The following ASTN2 variants were observed in gnomAD, a reference collection of about 807,000 sequenced individuals.
The protein encoded by ASTN2 is astrotactin 2.
In ASTN2, 54 loss-of-function variants were observed where a neutral mutation model predicts 139.8. The ratio of observed to expected loss-of-function variants is 0.39; its 90% confidence interval spans 0.31 to 0.48. ASTN2 has a LOEUF of 0.48. Among genes scored for constraint, ASTN2 ranks in the 20% least tolerant of loss-of-function variants. The probability of loss-of-function intolerance (pLI) is 0.95; values close to 1 mark genes in which losing one functional copy is unlikely to be tolerated. For synonymous variants in ASTN2, 756 were observed against 719.5 expected (o/e 1.05, Z -0.81); for missense variants, 1,565 against 1,725.1 (o/e 0.91, Z 1.64).
intron 3 of ASTN2, among the ~76,000 whole-genome samples, chr9:117,181,452 T>C (rs544510313): frequency 1.3e-5 from 2 of 152,348 alleles, no homozygotes; most frequent in East Asian, 3.9e-4. Flanking sequence ...TTAATCCCTC[T>C]ATAACCTAGC....
At chr9:116,803,513 TATATATATA>T (rs1312217967) in intron 13 of ASTN2, among the ~76,000 whole-genome samples, 6 of 8,500 alleles carry the variant, frequency 7.1e-4, no homozygotes, top group South Asian at 4.3e-3. Flanking sequence ...TATATATATA[TATATATATA>T]TTTTTTTTTT....
At chr9:116,466,277 G>A (rs1387249851) in intron 20 of ASTN2, among the ~76,000 whole-genome samples, 1 of 152,114 alleles carries the variant, frequency 6.6e-6, no homozygotes, top group African/African-American at 2.4e-5. Flanking sequence ...AAATCTCTGT[G>A]AGGTTTGCAT....
chr9:117,402,431 C>T (rs1040798997), intron 1 of ASTN2, among the ~76,000 whole-genome samples: 3 of 152,102 alleles, frequency 2.0e-5, no homozygotes, highest in East Asian at 1.9e-4. Flanking sequence ...GCAAGGAAAA[C>T]GATGAAGAAT....
chr9:117,337,780 T>G (rs1436058606), intron 1 of ASTN2, among the ~76,000 whole-genome samples: 1 of 151,942 alleles, frequency 6.6e-6, no homozygotes, highest in Admixed American at 6.6e-5. Context: ...GCACAATGAG[T>G]GAGCTCATAG....
intron 15 of ASTN2, 105 bp from the exon 16 acceptor site, chr9:116,726,055 C>A: frequency 9.1e-7 from 1 of 1,104,172 alleles, no homozygotes; most frequent in East Asian, 2.4e-5. Context: ...TGTGCCTTAC[C>A]CCTCAGCACA....
At chr9:117,037,370 C>A (rs1382879612) in intron 6 of ASTN2, among the ~76,000 whole-genome samples, 2 of 152,052 alleles carry the variant, frequency 1.3e-5, no homozygotes, top group Admixed American at 1.3e-4. Flanking sequence ...CATTTCTCAG[C>A]CACATGCTGT....
intron 10 of ASTN2, among the ~76,000 whole-genome samples, chr9:116,931,891 C>T (rs7039701): frequency 0.99 from 150,630 of 152,228 alleles, 74,542 homozygotes; most frequent in East Asian, 1. Flanking sequence ...GGTAAATGAA[C>T]GTAGGGGTAG....
At chr9:116,920,097 C>G (rs1834559360) in intron 10 of ASTN2, among the ~76,000 whole-genome samples, 1 of 152,100 alleles carries the variant, frequency 6.6e-6, no homozygotes, top group South Asian at 2.1e-4. Flanking sequence ...ATTCTGTGTA[C>G]AATGGAAATG....
rs531654471 is a variant in ASTN2 at position 116,924,493 on chromosome 9, C to T, written c.1889+50715G>A. Among the ~76,000 whole-genome samples the T allele has an allele frequency of 1.5e-3, 231 of 150,444 alleles. 2 individuals are homozygous for T. Among genetic ancestry groups the T allele is most frequent in the Non-Finnish European group, 2.1e-3 (145 of 67,828 alleles). On this transcript the variant is annotated intron_variant, in intron 10 of 22. Transcript: ENST00000313400. ...GGCAGCGGTGGCATGGGCTGCTCAG[C>T]TTCTTATACTTATTGTTACTTCTTT...
intron 2 of ASTN2, among the ~76,000 whole-genome samples, chr9:117,241,018 G>A (rs1833190129): frequency 6.6e-6 from 1 of 152,120 alleles, no homozygotes; most frequent in Non-Finnish European, 1.5e-5. Context: ...CATCGTAGAA[G>A]AGCCACTCAA....
At chr9:116,775,560 G>A (rs1191346887) in intron 13 of ASTN2, among the ~76,000 whole-genome samples, 2 of 104,348 alleles carry the variant, frequency 1.9e-5, no homozygotes, top group Admixed American at 1.0e-4. Context: ...GGAGGGGATG[G>A]AAGGGAGGGA....
At position 116,425,342 on chromosome 9, in the gene ASTN2, G is replaced by A; in HGVS notation, c.*509C>T. ...ACTCAATAATGTCCAGCAAAAAAGA[G>A]AGAGAAGTCCTTAAAGACCCATGCT... On this transcript the variant is annotated 3_prime_UTR_variant, in exon 23 of 23. Transcript: ENST00000313400. 1.8e-6 allele frequency: 1 copy of A among 549,582 alleles called. No homozygotes were observed. The highest frequency in any genetic ancestry group is 2.5e-5 in the South Asian group (1 of 40,078). The allele number at this position is 549,582 out of a possible 1,614,324, so 34.0% of individuals were successfully genotyped here.
chr9:116,583,498 T>C (rs1015984504), intron 19 of ASTN2: 1 of 152,104 alleles, frequency 6.6e-6, no homozygotes, highest in African/African-American at 2.4e-5. Flanking sequence ...CACGCTGTTC[T>C]GTACATGTGC....
chr9:117,154,721 T>C (rs1481078872), intron 3 of ASTN2, among the ~76,000 whole-genome samples: 2 of 152,114 alleles, frequency 1.3e-5, no homozygotes, highest in East Asian at 3.9e-4. Flanking sequence ...TTTATTATTA[T>C]ATACATCAAG....
chr9:117,081,640 A>G (rs1157565788), intron 5 of ASTN2, among the ~76,000 whole-genome samples: 1 of 152,224 alleles, frequency 6.6e-6, no homozygotes, highest in Non-Finnish European at 1.5e-5. Flanking sequence ...AAAGAAGTTC[A>G]TCTTGGGTAG....
intron 2 of ASTN2, among the ~76,000 whole-genome samples, chr9:117,258,884 C>T (rs755630906): frequency 6.6e-6 from 1 of 152,042 alleles, no homozygotes; most frequent in Non-Finnish European, 1.5e-5. Context: ...AGTAGTAGAT[C>T]CTGAAGGGAT....
At chr9:117,060,776 T>C (rs1839266888) in intron 5 of ASTN2, among the ~76,000 whole-genome samples, 1 of 151,764 alleles carries the variant, frequency 6.6e-6, no homozygotes, top group African/African-American at 2.4e-5. Flanking sequence ...GCACCTGTAG[T>C]CCCAGCTACT....
At chr9:117,326,488 G>A (rs770363658) in intron 1 of ASTN2, among the ~76,000 whole-genome samples, 1 of 152,136 alleles carries the variant, frequency 6.6e-6, no homozygotes, top group Non-Finnish European at 1.5e-5. Context: ...CAGAGATATC[G>A]AATTGCCCAA....
At chr9:116,580,375 T>G (rs1853900859) in intron 19 of ASTN2, among the ~76,000 whole-genome samples, 1 of 152,122 alleles carries the variant, frequency 6.6e-6, no homozygotes, top group Non-Finnish European at 1.5e-5. Flanking sequence ...GTCCACAACC[T>G]TGCTGACAAG....
Sources: allele counts gnomAD v4.1 joint callset (sites outside exome capture counted in the v4.1 genomes callset), GRCh38; gene constraint gnomAD v4.1.1; transcripts MANE v1.5; gene names NCBI Gene and HGNC (gene_info 2026-07-23, HGNC 2026-07-21).